GALT: variants seen among roughly 807,000 people sequenced by gnomAD.
The protein encoded by GALT is UDP-glucose--hexose-1-phosphate uridylyltransferase.
In GALT, 42 loss-of-function variants were observed where a neutral mutation model predicts 55.4. The observed-to-expected ratio is 0.76, with a 90% CI of 0.59 to 0.98. The LOEUF (loss-of-function observed/expected upper bound fraction) is 0.98. Ranked by LOEUF, GALT falls within the 50% of genes least tolerant of loss-of-function variation. GALT has a pLI of 0.00. For missense variants in GALT, 407 were observed against 495.7 expected (o/e 0.82, Z 1.70); for synonymous variants, 154 against 181.5 (o/e 0.85, Z 1.22).
At position 34,648,752 on chromosome 9, in the gene GALT, G is replaced by A. The variant is rs1030389064; in HGVS notation, c.688-10G>A. 5 of 1,612,876 alleles carry A rather than the reference G, an allele frequency of 3.1e-6. No individual in the cohort carries two copies. Among genetic ancestry groups the A allele is most frequent in the Non-Finnish European group, 2.5e-6 (3 of 1,179,964 alleles). ...ACCTTGATGACTTCCTATCCATTCTGTCTTCCTAGGAACGTCTGGTCCTAA... is the reference window on the plus strand; with the variant it reads ...ACCTTGATGACTTCCTATCCATTCTATCTTCCTAGGAACGTCTGGTCCTAA... On this transcript the variant is annotated splice_polypyrimidine_tract_variant and intron_variant, in intron 7 of 10. Coordinates refer to ENST00000378842, the MANE Select transcript of GALT (RefSeq NM_000155.4). The surrounding 1 kb of genome is among the most constrained non-coding windows in gnomAD (Gnocchi z 4.9).
Position 34,650,705 on chromosome 9 carries a change from T to C in GALT, c.*256T>C. 1.2e-5 allele frequency: 6 copies of C among 508,346 alleles called. No individual in the cohort carries two copies. The highest frequency in any genetic ancestry group is 1.8e-5 in the Non-Finnish European group (5 of 283,444). The allele number at this position is 508,346 out of a possible 1,614,324, so 31.5% of individuals were successfully genotyped here. A position where few individuals can be genotyped will look rare whatever the true frequency, so the allele number is the denominator to read the frequency against. ...TGTGTAAAATCTTGATGCAAAAATC[T>C]ACCCCAAATTTCTGAACAAAATTAA... is the stretch of plus-strand genomic sequence containing the variant. On this transcript the variant is annotated 3_prime_UTR_variant, in exon 11 of 11. Coordinates refer to ENST00000378842, the MANE Select transcript of GALT (RefSeq NM_000155.4).
At chr9:34,646,969 T>TA in intron 1 of GALT, 120 bp from the exon 2 acceptor site, 1 of 1,605,564 alleles carries the variant, frequency 6.2e-7, no homozygotes, top group Admixed American at 1.7e-5. Context: ...CCTGGGCCTC[T>TA]AGCTCCTGAG....
Position 34,647,546 on chromosome 9 carries a change from C to T in GALT, c.307C>T (p.Gln103Ter), listed in dbSNP as rs1225091358. The change falls in exon 3 of 11, where the codon CAG (glutamine) becomes TAG (stop). Residue 103 changes from glutamine (Q) to a stop codon, truncating the protein, a stop_gained. Coordinates refer to ENST00000378842, the MANE Select transcript of GALT (RefSeq NM_000155.4). LOFTEE classifies it high-confidence loss of function. This position sits in a 1 kb window ranked among gnomAD's most constrained non-coding sequence, Gnocchi z 5.6. ...FLFDNDFPAL[Q>*]PDAPSPGPSD... ...GTTTGACAACGACTTCCCAGCTCTG[C>T]AGCCTGATGCCCCCAGTCCAGGTAA... 1.2e-6 allele frequency: 2 copies of T among 1,614,064 alleles called. No homozygotes were observed. The highest frequency in any genetic ancestry group is 2.7e-5 in the African/African-American group (2 of 74,906).
In GALT at chr9:34,648,034, T is replaced by C; in HGVS notation, c.507+73T>C. The C allele has an allele frequency of 2.5e-6, 4 of 1,614,138 alleles. No individual in the cohort carries two copies. The highest frequency in any genetic ancestry group is 3.4e-6 in the Non-Finnish European group (4 of 1,180,018). ...AAGCTTTGGTTCTGGGGAGTAACAT[T>C]TCTGTTTCCACAGGGTGTGGTCAGG... On this transcript the variant is annotated intron_variant, in intron 5 of 10. Coordinates refer to ENST00000378842, the MANE Select transcript of GALT (RefSeq NM_000155.4). This position sits in a 1 kb window ranked among gnomAD's most constrained non-coding sequence, Gnocchi z 4.9.
chr9:34,647,006 G>A lies in GALT; in HGVS notation c.83-83G>A. On this transcript the variant is annotated intron_variant, in intron 1 of 10. Transcript: ENST00000378842. This position sits in a 1 kb window ranked among gnomAD's most constrained non-coding sequence, Gnocchi z 5.6. ...GGGACAGGGCCGAGAGGGCGCTCCC[G>A]AGCTTGGGCCTGCTGGTGGGTGAGA... 2 of 1,610,024 alleles carry A rather than the reference G, an allele frequency of 1.2e-6. No homozygotes were observed. The highest frequency in any genetic ancestry group is 1.7e-6 in the Non-Finnish European group (2 of 1,178,052).
Position 34,647,900 on chromosome 9 carries a change from CTGT to C in GALT, c.452_454del (p.Val151del), listed in dbSNP as rs886043735. ...CTCATGTCGGTCCCTGAGATCCGGGCTGTTGTTGATGCATGGGCCTCAGTCACA... is the reference window on the plus strand; with the variant it reads ...CTCATGTCGGTCCCTGAGATCCGGGCTGTTGATGCATGGGCCTCAGTCACA... On this transcript the variant is annotated inframe_deletion, in exon 5 of 11. Coordinates refer to ENST00000378842, the MANE Select transcript of GALT (RefSeq NM_000155.4). This position sits in a 1 kb window ranked among gnomAD's most constrained non-coding sequence, Gnocchi z 5.6. 2 of 1,614,212 alleles carry C rather than the reference CTGT, an allele frequency of 1.2e-6. No individual in the cohort carries two copies. Among genetic ancestry groups the C allele is most frequent in the Admixed American group, 1.7e-5 (1 of 60,018 alleles).
rs1410159094 is a variant in GALT at position 34,649,443 on chromosome 9, G to A, written c.938G>A (p.Trp313Ter). The change falls in exon 10 of 11, where the codon TGG (tryptophan) becomes TAG (stop). Residue 313 changes from tryptophan to a stop codon, truncating the protein, a stop_gained. Coordinates refer to ENST00000378842, the MANE Select transcript of GALT (RefSeq NM_000155.4). LOFTEE classifies it high-confidence loss of function. ...ACAGGATCAGAGGCTGGGGCCAACT[G>A]GAACCATTGGCAGCTGCACGCTCAT... ...APTGSEAGAN[W>*]NHWQLHAHYY... 3 of 1,614,034 alleles carry A rather than the reference G, an allele frequency of 1.9e-6. No homozygotes were observed. Among genetic ancestry groups the A allele is most frequent in the Non-Finnish European group, 2.5e-6 (3 of 1,180,038 alleles).
At position 34,647,689 on chromosome 9, in the gene GALT, T is replaced by C; in HGVS notation, c.361T>C (p.Ser121Pro). Reference protein sequence around the residue: ...PSDHPLFQAKSARGVCKVMCF... With the variant: ...PSDHPLFQAKPARGVCKVMCF... ...TGATCATCCCCTTTTCCAAGCAAAG[T>C]CTGCTCGAGGAGTCTGGTAACTATG... Residue 121 changes from serine to proline, a missense_variant, in exon 4 of 11, where the codon TCT becomes CCT. Transcript: ENST00000378842. This position sits in a 1 kb window ranked among gnomAD's most constrained non-coding sequence, Gnocchi z 5.6. The C allele has an allele frequency of 6.2e-7, 1 of 1,614,166 alleles. No homozygotes were observed. Among genetic ancestry groups the C allele is most frequent in the Non-Finnish European group, 8.5e-7 (1 of 1,180,016 alleles).
At chr9:34,649,283 G>A (rs774887011) in intron 9 of GALT, 127 bp from the exon 10 acceptor site, 5 of 1,369,820 alleles carry the variant, frequency 3.7e-6, no homozygotes, top group Non-Finnish European at 4.1e-6. Flanking sequence ...TCTCCTGCCA[G>A]CTCTTCTCAA....
Position 34,648,533 on chromosome 9 carries a change from A to G in GALT, c.687+77A>G. 6.2e-7 allele frequency: 1 copy of G among 1,607,980 alleles called. No individual in the cohort carries two copies. The highest frequency in any genetic ancestry group is 8.5e-7 in the Non-Finnish European group (1 of 1,175,112). On this transcript the variant is annotated intron_variant, in intron 7 of 10. Coordinates refer to ENST00000378842, the MANE Select transcript of GALT (RefSeq NM_000155.4). This position sits in a 1 kb window ranked among gnomAD's most constrained non-coding sequence, Gnocchi z 4.9. Reference sequence around the variant, plus strand: ...CCATGAGAGAGGTGTGTAAAGGAGAAAGCTAGAGGTGAACTAGTAGAGAGA... The same window carrying G: ...CCATGAGAGAGGTGTGTAAAGGAGAGAGCTAGAGGTGAACTAGTAGAGAGA...
Position 34,648,399 on chromosome 9 carries a change from G to A in GALT, c.630G>A (p.Lys210=), listed in dbSNP as rs367543260. ...AGGAGCGATCTCAGCAGGCCTATAA[G>A]AGTCAGCATGGAGAGCCCCTGCTAA... The part of the protein sequence containing the change: ...QREERSQQAY[K]SQHGEPLLME... The change falls in exon 7 of 11, where the codon AAG becomes AAA. Residue 210 remains lysine, a synonymous_variant. Transcript: ENST00000378842. This position sits in a 1 kb window ranked among gnomAD's most constrained non-coding sequence, Gnocchi z 4.9. 6.2e-7 allele frequency: 1 copy of A among 1,614,206 alleles called. No homozygotes were observed. Among genetic ancestry groups the A allele is most frequent in the Non-Finnish European group, 8.5e-7 (1 of 1,180,044 alleles).
In GALT at chr9:34,650,349, G is replaced by T. The variant is rs1821225939; in HGVS notation, c.1060-20G>T. On this transcript the variant is annotated intron_variant, in intron 10 of 10. Transcript: ENST00000378842. ...AGCCCAGCCCTTATCCTCCTTAATTGCTCCCTGTCCCTTTTCCAGGCTGCA... is the reference window on the plus strand; with the variant it reads ...AGCCCAGCCCTTATCCTCCTTAATTTCTCCCTGTCCCTTTTCCAGGCTGCA... 1 of 1,593,170 alleles carries T rather than the reference G, an allele frequency of 6.3e-7. No individual in the cohort carries two copies. Among genetic ancestry groups the T allele is most frequent in the Admixed American group, 1.7e-5 (1 of 59,636 alleles).
rs1821171057 is a variant in GALT at position 34,648,598 on chromosome 9, A to G, written c.687+142A>G. 2 of 1,508,460 alleles carry G rather than the reference A, an allele frequency of 1.3e-6. No homozygotes were observed. The highest frequency in any genetic ancestry group is 1.1e-5 in the South Asian group (1 of 88,192). The allele number at this position is 1,508,460 out of a possible 1,614,324, so 93.4% of individuals were successfully genotyped here. ...CCTTAGCAATAATCCAGTAATCTAA[A>G]GGAAAGATGATGGTGACTTAGACTC... On this transcript the variant is annotated intron_variant, in intron 7 of 10. Coordinates refer to ENST00000378842, the MANE Select transcript of GALT (RefSeq NM_000155.4). The surrounding 1 kb of genome is among the most constrained non-coding windows in gnomAD (Gnocchi z 4.9).
In GALT at chr9:34,649,515, T is replaced by C. The variant is rs1208588134; in HGVS notation, c.1010T>C (p.Val337Ala). 1 of 1,614,206 alleles carries C rather than the reference T, an allele frequency of 6.2e-7. No homozygotes were observed. The highest frequency in any genetic ancestry group is 1.7e-5 in the Admixed American group (1 of 60,028). ...TCTGCCACTGTCCGGAAATTCATGG[T>C]TGGCTACGAAATGCTTGCTCAGGCT... is the stretch of plus-strand genomic sequence containing the variant. ...LRSATVRKFM[V>A]GYEMLAQAQR... Residue 337 changes from valine to alanine, a missense_variant, in exon 10 of 11, where the codon GTT becomes GCT. Val to Ala is a moderately conservative substitution (Grantham distance 64). Transcript: ENST00000378842.
rs560226250 is a variant in GALT, at chr9:34,648,738, T to C, written c.688-24T>C. 18 of 1,612,352 alleles carry C rather than the reference T, an allele frequency of 1.1e-5. No individual in the cohort carries two copies. The highest frequency in any genetic ancestry group is 1.5e-5 in the Non-Finnish European group (18 of 1,179,956). On this transcript the variant is annotated intron_variant, in intron 7 of 10. Transcript: ENST00000378842. This position sits in a 1 kb window ranked among gnomAD's most constrained non-coding sequence, Gnocchi z 4.9. ...CCGGCTCCTATGTCACCTTGATGAC[T>C]TCCTATCCATTCTGTCTTCCTAGGA...
intron 1 of GALT, 125 bp downstream of exon 1, chr9:34,646,911 TGCAGGCCTGTACGAGCA>T: frequency 6.2e-7 from 1 of 1,606,884 alleles, no homozygotes; most frequent in Non-Finnish European, 8.5e-7. Context: ...GCGTACAGTC[TGCAGGCCTGTACGAGCA>T]GCAGGCCAAT....
chr9:34,646,843 T>TAGG, intron 1 of GALT, 57 bp downstream of exon 1: 6 of 1,611,756 alleles, frequency 3.7e-6, no homozygotes, highest in Non-Finnish European at 5.1e-6. Context: ...TCCCCTTCCT[T>TAGG]AGGAAGCTTT....
In GALT at chr9:34,647,327, C is replaced by T. The variant is rs185682715; in HGVS notation, c.252+69C>T. 12 of 1,605,590 alleles carry T rather than the reference C, an allele frequency of 7.5e-6. No individual in the cohort carries two copies. The East Asian group carries it at 2.5e-4, about 33-fold the overall frequency. On this transcript the variant is annotated intron_variant, in intron 2 of 10. Transcript: ENST00000378842. This position sits in a 1 kb window ranked among gnomAD's most constrained non-coding sequence, Gnocchi z 5.6. ...GTAGTTCCCTCTTAGAACTGTCCTC[C>T]ACCCACAGGGATAGTGAACCTCCTT...
In GALT at chr9:34,648,054, G is replaced by A; in HGVS notation, c.508-61G>A. 2.5e-6 allele frequency: 4 copies of A among 1,614,168 alleles called. No homozygotes were observed. In the South Asian group the frequency reaches 3.3e-5, roughly 13 times the overall value. On this transcript the variant is annotated intron_variant, in intron 5 of 10. Transcript: ENST00000378842. The surrounding 1 kb of genome is among the most constrained non-coding windows in gnomAD (Gnocchi z 4.9). ...AACATTTCTGTTTCCACAGGGTGTG[G>A]TCAGGAGGGAGTTGACTTGGTGTCT...
Sources: gnomAD v4.1 joint callset for allele counts on GRCh38, gnomAD v4.1.1 for gene constraint, Gnocchi (gnomAD v3.1) non-coding constraint, MANE v1.5 for transcripts, NCBI Gene and HGNC (gene_info 2026-07-23, HGNC 2026-07-21) for gene names.